CLDN10: variants seen among roughly 807,000 people sequenced by gnomAD.
The protein encoded by CLDN10 is claudin-10.
In CLDN10, 15 loss-of-function variants were observed where a neutral mutation model predicts 22.9. The observed-to-expected ratio is 0.65, with a 90% CI of 0.44 to 1.01. The LOEUF (loss-of-function observed/expected upper bound fraction) is 1.01. Among genes scored for constraint, CLDN10 ranks in the 50% least tolerant of loss-of-function variants. The pLI, the probability that CLDN10 is intolerant of heterozygous loss-of-function variation, is 0.00. For synonymous variants in CLDN10, 114 were observed against 111.4 expected (o/e 1.02, Z -0.15); for missense variants, 247 against 287.8 (o/e 0.86, Z 1.03).
upstream of CLDN10, among the ~76,000 whole-genome samples, chr13:95,552,278 C>T (rs916912508): frequency 6.6e-6 from 1 of 152,092 alleles, no homozygotes. Flanking sequence ...GGCTGAGTTA[C>T]CAAACCGTGT....
rs57500288 is a variant in CLDN10, at chr13:95,532,792, C to CAAAAAAAAAAAAAAAAAA, written c.215-27335_215-27318dup. ...CTTCAGATACTGGAACTCAATTCAGCAAAAAAAAAAAAAAAAAAAAAAGAA... is the reference window on the plus strand; with the variant it reads ...CTTCAGATACTGGAACTCAATTCAGCAAAAAAAAAAAAAAAAAAAAAAAAAAAAAAAAAAAAAAAAGAA... On this transcript the variant is annotated intron_variant, in intron 1 of 4. Transcript: ENST00000376873. Among the ~76,000 whole-genome samples the CAAAAAAAAAAAAAAAAAA allele has an allele frequency of 1.9e-4, 12 of 62,016 alleles. 1 individual carries two copies. Among genetic ancestry groups the CAAAAAAAAAAAAAAAAAA allele is most frequent in the South Asian group, 9.2e-4 (1 of 1,086 alleles). The allele number at this position is 62,016 out of a possible 152,430, so 40.7% of individuals were successfully genotyped here. A position where few individuals can be genotyped will look rare whatever the true frequency, so the allele number is the denominator to read the frequency against.
intron 1 of CLDN10, among the ~76,000 whole-genome samples, chr13:95,455,393 T>G (rs1011263320): frequency 1.3e-5 from 2 of 152,208 alleles, no homozygotes; most frequent in African/African-American, 4.8e-5. Flanking sequence ...GGTTTATTTC[T>G]TTGTGAAGTT....
At chr13:95,497,540 C>A (rs1162758447) in intron 1 of CLDN10, among the ~76,000 whole-genome samples, 1 of 152,162 alleles carries the variant, frequency 6.6e-6, no homozygotes, top group African/African-American at 2.4e-5. Flanking sequence ...CCCATCCTCC[C>A]GGCTTTGTGC....
At chr13:95,435,870 G>T (rs539819503) in intron 1 of CLDN10, among the ~76,000 whole-genome samples, 10 of 151,438 alleles carry the variant, frequency 6.6e-5, no homozygotes, top group Non-Finnish European at 1.3e-4. Context: ...TGCCAAGGCT[G>T]GTCTCGATCT....
At chr13:95,525,872 C>T (rs2043275257) in intron 1 of CLDN10, among the ~76,000 whole-genome samples, 1 of 152,134 alleles carries the variant, frequency 6.6e-6, no homozygotes, top group Admixed American at 6.5e-5. Context: ...GACTAAACAA[C>T]TTGCATCTAG....
intron 1 of CLDN10, among the ~76,000 whole-genome samples, chr13:95,455,132 G>A (rs75607197): frequency 5.7e-4 from 86 of 151,126 alleles, no homozygotes; most frequent in Non-Finnish European, 9.7e-4. Flanking sequence ...AGCCATGATC[G>A]CACCACTGGG....
intron 1 of CLDN10, among the ~76,000 whole-genome samples, chr13:95,498,778 T>G (rs940559747): frequency 2.0e-5 from 3 of 152,196 alleles, no homozygotes; most frequent in Non-Finnish European, 2.9e-5. Flanking sequence ...CATTTTTGAG[T>G]GTATAGCTCA....
intron 3 of CLDN10, among the ~76,000 whole-genome samples, chr13:95,574,502 G>C (rs970186543): frequency 6.6e-6 from 1 of 152,208 alleles, no homozygotes; most frequent in Non-Finnish European, 1.5e-5. Flanking sequence ...ACGTGTGGTG[G>C]TTCACACCTG....
At chr13:95,453,912 C>T (rs529998831) in intron 1 of CLDN10, among the ~76,000 whole-genome samples, 1 of 151,826 alleles carries the variant, frequency 6.6e-6, no homozygotes, top group Non-Finnish European at 1.5e-5. Context: ...GTTGGGAGTT[C>T]GGGATCTAGT....
intron 3 of CLDN10, among the ~76,000 whole-genome samples, chr13:95,562,202 G>A (rs1163177452): frequency 2.6e-5 from 4 of 151,994 alleles, no homozygotes; most frequent in South Asian, 2.1e-4. Context: ...GAAGTGCTGG[G>A]ATTACAGGTG....
chr13:95,453,885 C>T (rs1057311764), intron 1 of CLDN10, among the ~76,000 whole-genome samples: 2 of 151,980 alleles, frequency 1.3e-5, no homozygotes, highest in African/African-American at 2.4e-5. Context: ...GAGGCCAAGG[C>T]GGGCGGATCA....
intron 1 of CLDN10, among the ~76,000 whole-genome samples, chr13:95,475,056 C>T (rs887787076): frequency 4.6e-5 from 7 of 152,140 alleles, no homozygotes; most frequent in Non-Finnish European, 7.4e-5. Context: ...TGGCTCCTCT[C>T]TGCTAAGGAG....
chr13:95,486,110 T>A (rs1012526653), intron 1 of CLDN10, among the ~76,000 whole-genome samples: 3 of 152,182 alleles, frequency 2.0e-5, no homozygotes, highest in Non-Finnish European at 2.9e-5. Flanking sequence ...TCTGAGTAGC[T>A]TCCTGAGCCT....
rs2043593004 is a variant in CLDN10, at chr13:95,553,417, G to C, written c.220+444G>C. Among the ~76,000 whole-genome samples the C allele has an allele frequency of 2.6e-5, 4 of 152,236 alleles. No individual in the cohort carries two copies. In the South Asian group the frequency reaches 8.3e-4, roughly 32 times the overall value. ...TCTGATAAAAATGGTGTCATTGCAAGCCAAATCCGTTTGTCCTGACCTCCC... is the reference window on the plus strand; with the variant it reads ...TCTGATAAAAATGGTGTCATTGCAACCCAAATCCGTTTGTCCTGACCTCCC... On this transcript the variant is annotated intron_variant, in intron 1 of 4. Coordinates refer to ENST00000299339, the MANE Select transcript of CLDN10 (RefSeq NM_006984.5).
chr13:95,518,529 G>C (rs1173979340), intron 1 of CLDN10, among the ~76,000 whole-genome samples: 1 of 152,174 alleles, frequency 6.6e-6, no homozygotes, highest in African/African-American at 2.4e-5. Flanking sequence ...GTGGAGGAAG[G>C]TGGATTGCTT....
chr13:95,475,798 CTCTCTG>C (rs2042680048), intron 1 of CLDN10, among the ~76,000 whole-genome samples: 1 of 151,884 alleles, frequency 6.6e-6, no homozygotes, highest in South Asian at 2.1e-4. Flanking sequence ...CTCTCTCTCT[CTCTCTG>C]TCTCTCTCTG....
chr13:95,505,020 T>C (rs1398294518), intron 1 of CLDN10, among the ~76,000 whole-genome samples: 1 of 152,250 alleles, frequency 6.6e-6, no homozygotes, highest in Non-Finnish European at 1.5e-5. Flanking sequence ...CTATTGAAGG[T>C]GGCAGGGAAT....
At chr13:95,501,955 T>A (rs2042990012) in intron 1 of CLDN10, among the ~76,000 whole-genome samples, 1 of 152,218 alleles carries the variant, frequency 6.6e-6, no homozygotes. Context: ...CTTGGCATTT[T>A]AAAATAGTTG....
chr13:95,518,466 T>A (rs1326036311), intron 1 of CLDN10, among the ~76,000 whole-genome samples: 1 of 152,154 alleles, frequency 6.6e-6, no homozygotes, highest in Non-Finnish European at 1.5e-5. Flanking sequence ...TAAAAATGTC[T>A]GATTTTAGGC....
Sources: gnomAD v4.1 joint callset for allele counts (sites outside exome capture counted in the v4.1 genomes callset) on GRCh38, gnomAD v4.1.1 for gene constraint, MANE v1.5 for transcripts, NCBI Gene and HGNC (gene_info 2026-07-23, HGNC 2026-07-21) for gene names.